RAP1GAP2: variants seen among roughly 807,000 people sequenced by gnomAD.
RAP1GAP2 encodes rap1 GTPase-activating protein 2.
In RAP1GAP2, 27 loss-of-function variants were observed where a neutral mutation model predicts 95.0. The ratio of observed to expected loss-of-function variants is 0.28; its 90% CI spans 0.21 to 0.39. The LOEUF (loss-of-function observed/expected upper bound fraction) is 0.39, where lower values mean the gene tolerates loss of function less well. Among genes scored for constraint, RAP1GAP2 ranks in the 10% least tolerant of loss-of-function variants. RAP1GAP2 has a pLI of 1.00. For synonymous variants in RAP1GAP2, 373 were observed against 380.9 expected (o/e 0.98, Z 0.24); for missense variants, 771 against 970.0 (o/e 0.79, Z 2.72).
intron 13 of RAP1GAP2, among the ~76,000 whole-genome samples, chr17:2,997,052 C>G (rs8065432): frequency 1.4e-4 from 21 of 151,920 alleles, no homozygotes; most frequent in Non-Finnish European, 3.1e-4. Context: ...CATAGCTCAC[C>G]GCGGCCTTGA....
chr17:2,895,248 G>A (rs993843290), intron 2 of RAP1GAP2, among the ~76,000 whole-genome samples: 4 of 152,158 alleles, frequency 2.6e-5, no homozygotes, highest in South Asian at 2.1e-4. Flanking sequence ...AGGTGCCCTC[G>A]GGGGCCCGCG....
chr17:2,856,550 C>T (rs1351607577), intron 2 of RAP1GAP2, among the ~76,000 whole-genome samples: 1 of 152,178 alleles, frequency 6.6e-6, no homozygotes, highest in Non-Finnish European at 1.5e-5. Context: ...GTGGTGACAG[C>T]CCCACCAGTA....
intron 3 of RAP1GAP2, among the ~76,000 whole-genome samples, chr17:2,954,111 T>A (rs992552383): frequency 1.1e-4 from 17 of 152,184 alleles, no homozygotes; most frequent in East Asian, 5.8e-4. Context: ...TTGTCTTTTT[T>A]AAATTTTTTT....
intron 11 of RAP1GAP2, among the ~76,000 whole-genome samples, chr17:2,989,581 C>T (rs1236603580): frequency 1.3e-5 from 2 of 152,142 alleles, no homozygotes; most frequent in Non-Finnish European, 2.9e-5. Context: ...GATCCACCCG[C>T]CTCGGCCTCC....
intron 11 of RAP1GAP2, among the ~76,000 whole-genome samples, chr17:2,990,989 C>T (rs1167407914): frequency 6.6e-6 from 1 of 151,976 alleles, no homozygotes; most frequent in African/African-American, 2.4e-5. Flanking sequence ...GGATTACAGG[C>T]ACCCACCACC....
At chr17:2,873,026 C>A (rs532471204) in intron 2 of RAP1GAP2, among the ~76,000 whole-genome samples, 1 of 150,768 alleles carries the variant, frequency 6.6e-6, no homozygotes, top group South Asian at 2.1e-4. Context: ...TCGCTTGAAC[C>A]CGAGGGGCGG....
intron 17 of RAP1GAP2, among the ~76,000 whole-genome samples, chr17:3,011,767 C>T (rs1424451909): frequency 6.6e-6 from 1 of 151,884 alleles, no homozygotes; most frequent in African/African-American, 2.4e-5. Flanking sequence ...TTACAGGTGC[C>T]CGCCACCACA....
intron 2 of RAP1GAP2, chr17:2,853,853 G>A (rs2151600925): frequency 4.3e-6 from 4 of 920,530 alleles, no homozygotes; most frequent in South Asian, 5.0e-5. Context: ...CCTGACCCCC[G>A]GGGCGCACCT....
rs139401043 is a variant in RAP1GAP2, at chr17:2,838,753, G to A, written c.80+38203G>A. ...ACAGCATTCCCCGAAACTGATCCCC[G>A]GAGAGAAAGCTGTTTATTCCCTTTG... On this transcript the variant is annotated intron_variant, in intron 2 of 24. Coordinates refer to ENST00000254695, the MANE Select transcript of RAP1GAP2 (RefSeq NM_015085.5). 3.9e-3 allele frequency among the ~76,000 whole-genome samples: 592 copies of A among 152,214 alleles called. 3 individuals are homozygous for A. Among genetic ancestry groups the A allele is most frequent in the African/African-American group, 0.013 (523 of 41,548 alleles).
intron 2 of RAP1GAP2, among the ~76,000 whole-genome samples, chr17:2,881,662 A>G (rs2073296059): frequency 6.6e-6 from 1 of 152,208 alleles, no homozygotes; most frequent in African/African-American, 2.4e-5. Flanking sequence ...TTGCTGGGTC[A>G]TATGGTAATT....
chr17:2,926,699 A>T (rs568315304), intron 3 of RAP1GAP2, among the ~76,000 whole-genome samples: 1 of 152,246 alleles, frequency 6.6e-6, no homozygotes, highest in South Asian at 2.1e-4. Context: ...GGTCTCACTG[A>T]GATCAAATCA....
intron 3 of RAP1GAP2, among the ~76,000 whole-genome samples, chr17:2,930,447 G>T (rs940506531): frequency 6.6e-6 from 1 of 152,270 alleles, no homozygotes; most frequent in African/African-American, 2.4e-5. Flanking sequence ...CCAGGCCTGA[G>T]TGGGGGCGTG....
intron 2 of RAP1GAP2, among the ~76,000 whole-genome samples, chr17:2,847,777 G>C (rs1006726295): frequency 2.0e-5 from 3 of 152,104 alleles, no homozygotes; most frequent in African/African-American, 7.2e-5. Context: ...GTTGGAGAGG[G>C]ACTGTGCTGT....
intron 3 of RAP1GAP2, among the ~76,000 whole-genome samples, chr17:2,911,259 G>GTTTTTTTTTTTT (rs1448395526): frequency 9.0e-6 from 1 of 110,642 alleles, no homozygotes; most frequent in Non-Finnish European, 1.7e-5. Flanking sequence ...TTTTGAAGGG[G>GTTTTTTTTTTTT]ATTTTTTTTT....
rs912926353 is a variant in RAP1GAP2, at chr17:2,871,693, C to T, written c.81-33591C>T. 2.0e-5 allele frequency among the ~76,000 whole-genome samples: 3 copies of T among 152,150 alleles called. No individual in the cohort carries two copies. The highest frequency in any genetic ancestry group is 1.9e-4 in the East Asian group (1 of 5,182). Reference sequence around the variant, plus strand: ...GGTTCAATTGGTACCATCCCATGGGCAGTACAGTTTGGCAGTAGCTGTCTC... The same window carrying T: ...GGTTCAATTGGTACCATCCCATGGGTAGTACAGTTTGGCAGTAGCTGTCTC... On this transcript the variant is annotated intron_variant, in intron 2 of 24. Transcript: ENST00000254695. This position sits in a 1 kb window ranked among gnomAD's most constrained non-coding sequence, Gnocchi z 5.0.
At position 2,826,866 on chromosome 17, in the gene RAP1GAP2, C is replaced by T. The variant is rs545253232; in HGVS notation, c.80+26316C>T. ...ACTAAAAATATAAAAATTAGCTGGG[C>T]GTGGTGGCGTACGCCTGTAGTCCCA... On this transcript the variant is annotated intron_variant, in intron 2 of 24. Coordinates refer to ENST00000254695, the MANE Select transcript of RAP1GAP2 (RefSeq NM_015085.5). Among the ~76,000 whole-genome samples the T allele has an allele frequency of 5.3e-5, 8 of 152,188 alleles. No homozygotes were observed. The East Asian group carries it at 7.7e-4, about 15-fold the overall frequency.
chr17:2,959,535 G>A (rs180868265), intron 4 of RAP1GAP2, among the ~76,000 whole-genome samples: 5 of 152,334 alleles, frequency 3.3e-5, no homozygotes, highest in East Asian at 3.9e-4. Context: ...TGGAGTGCCC[G>A]CGTGGGCCTT....
chr17:2,817,131 G>A (rs2070059431), intron 2 of RAP1GAP2, among the ~76,000 whole-genome samples: 1 of 117,612 alleles, frequency 8.5e-6, no homozygotes, highest in African/African-American at 2.8e-5. Flanking sequence ...GGGATTACAG[G>A]TGTGCACCAC....
intron 8 of RAP1GAP2, among the ~76,000 whole-genome samples, chr17:2,967,107 G>A (rs928693215): frequency 2.6e-5 from 4 of 152,150 alleles, no homozygotes; most frequent in Non-Finnish European, 5.9e-5. Context: ...GGTGGCTCAC[G>A]CCTGTAATCC....
Sources: allele counts gnomAD v4.1 joint callset (sites outside exome capture counted in the v4.1 genomes callset), GRCh38; gene constraint gnomAD v4.1.1; non-coding constraint Gnocchi (gnomAD v3.1); transcripts MANE v1.5; gene names NCBI Gene and HGNC (gene_info 2026-07-23, HGNC 2026-07-21).